IL16: variants seen among roughly 807,000 people sequenced by gnomAD.
The protein encoded by IL16 is pro-interleukin-16.
A neutral mutation model predicts 110.1 loss-of-function variants in IL16; 67 were observed. The ratio of observed to expected loss-of-function variants is 0.61; its 90% CI spans 0.50 to 0.75. The LOEUF is 0.75. Ranked by LOEUF, IL16 falls within the 30% of genes least tolerant of loss-of-function variation. The pLI is 0.00. For missense variants in IL16, 1,545 were observed against 1,655.0 expected (o/e 0.93, Z 1.15); for synonymous variants, 689 against 662.9 (o/e 1.04, Z -0.61).
chr15:81,200,617 C>T (rs936616236), intron 1 of IL16, among the ~76,000 whole-genome samples: 2 of 152,174 alleles, frequency 1.3e-5, no homozygotes, highest in Admixed American at 1.3e-4. Flanking sequence ...GTGATCTGCT[C>T]GCCTCAACCT....
At position 81,259,754 on chromosome 15, in the gene IL16, A is replaced by G. The variant is rs745678994; in HGVS notation, c.313-18A>G. Reference sequence around the variant, plus strand: ...CTATTCTAACTTGCTGAATAAAAAGACGGCAATTGTTTTGCAGGAATCTTC... The same window carrying G: ...CTATTCTAACTTGCTGAATAAAAAGGCGGCAATTGTTTTGCAGGAATCTTC... On this transcript the variant is annotated intron_variant, in intron 2 of 18. Transcript: ENST00000683961. 6.4e-7 allele frequency: 1 copy of G among 1,567,668 alleles called. No individual in the cohort carries two copies. The highest frequency in any genetic ancestry group is 8.8e-7 in the Non-Finnish European group (1 of 1,138,108).
rs774551504 is a variant in IL16, at chr15:81,292,677, C to T, written c.1542C>T (p.Ser514=). ...TCATGATCCGCTCCAGCAGTGACAGCAGCTACATGTCTGGGTCCCCAGGGG... is the reference window on the plus strand; with the variant it reads ...TCATGATCCGCTCCAGCAGTGACAGTAGCTACATGTCTGGGTCCCCAGGGG... ...QKVMIRSSSD[S]SYMSGSPGGS... The change falls in exon 12 of 19, where the codon AGC becomes AGT. Residue 514 remains serine, a synonymous_variant. Coordinates refer to ENST00000683961, the MANE Select transcript of IL16 (RefSeq NM_172217.5). 2.5e-6 allele frequency: 4 copies of T among 1,614,072 alleles called. No homozygotes were observed. The African/African-American group carries it at 5.3e-5, about 22-fold the overall frequency.
intron 12 of IL16, among the ~76,000 whole-genome samples, chr15:81,294,491 G>A (rs536377720): frequency 1.3e-5 from 2 of 152,160 alleles, no homozygotes; most frequent in African/African-American, 2.4e-5. Flanking sequence ...GAATATTCCC[G>A]AGTAAGGCGT....
chr15:81,272,269 G>A (rs1898675096), intron 5 of IL16, among the ~76,000 whole-genome samples: 1 of 152,236 alleles, frequency 6.6e-6, no homozygotes. Context: ...TTCCTTTGCT[G>A]CTTTTCAGGT....
Position 81,299,754 on chromosome 15 carries a change from C to T in IL16, c.2428C>T (p.Pro810Ser). 1 of 1,614,178 alleles carries T rather than the reference C, an allele frequency of 6.2e-7. No homozygotes were observed. Among genetic ancestry groups the T allele is most frequent in the Non-Finnish European group, 8.5e-7 (1 of 1,180,036 alleles). Reference protein sequence around the residue: ...RNRASDPRGLPDPALSTQPAP... With the variant: ...RNRASDPRGLSDPALSTQPAP... ...TCGTGCTTCAGACCCAAGAGGGCTC[C>T]CTGATCCTGCCTTGTCCACCCAGCC... The change falls in exon 14 of 19, where the codon CCT becomes TCT. Residue 810 changes from proline (P) to serine (S), a missense_variant. Pro to Ser is a moderately conservative substitution (Grantham distance 74). Around this residue, in one of 3 missense-constraint regions of IL16, gnomAD observed 1,185 missense variants for 1,238.8 expected, o/e 0.96. Transcript: ENST00000683961.
At chr15:81,198,738 G>T (rs1158009486) in intron 1 of IL16, among the ~76,000 whole-genome samples, 1 of 151,822 alleles carries the variant, frequency 6.6e-6, no homozygotes, top group African/African-American at 2.4e-5. Flanking sequence ...GAAATCTACT[G>T]GCCAGGTACA....
At chr15:81,271,510 T>G (rs1898639808) in intron 5 of IL16, among the ~76,000 whole-genome samples, 1 of 152,008 alleles carries the variant, frequency 6.6e-6, no homozygotes, top group Admixed American at 6.5e-5. Context: ...TATATAGATA[T>G]GGAGACGGGG....
chr15:81,287,284 G>A (rs950256247), intron 10 of IL16, among the ~76,000 whole-genome samples: 10 of 152,174 alleles, frequency 6.6e-5, no homozygotes, highest in Non-Finnish European at 1.2e-4. Flanking sequence ...AGCAGGCTTG[G>A]GAGGGAGAGA....
At position 81,292,754 on chromosome 15, in the gene IL16, GCA is replaced by G. The variant is rs1346807351; in HGVS notation, c.1626_1627del (p.His542GlnfsTer44). On this transcript the variant is annotated frameshift_variant, in exon 12 of 19. Coordinates refer to ENST00000683961, the MANE Select transcript of IL16 (RefSeq NM_172217.5). LOFTEE classifies it high-confidence loss of function. ...AAGCCGTCCTCTGACGTGGACATCA[GCA>G]CACACAGCCCCAGCTTGCCTCTGGC... 1 of 1,614,198 alleles carries G rather than the reference GCA, an allele frequency of 6.2e-7. No individual in the cohort carries two copies.
upstream of IL16, chr15:81,196,826 C>A (rs1895610971): frequency 3.6e-6 from 4 of 1,115,372 alleles, no homozygotes; most frequent in South Asian, 8.1e-5. Flanking sequence ...TCACGTGGAG[C>A]AGTCAGATGG....
chr15:81,291,961 C>G (rs1567040045), intron 11 of IL16: 1 of 456,066 alleles, frequency 2.2e-6, no homozygotes, highest in Non-Finnish European at 4.4e-6. Flanking sequence ...GAAGCTGACT[C>G]TGAGATGGAG....
upstream of IL16, among the ~76,000 whole-genome samples, chr15:81,193,726 G>A (rs935064916): frequency 1.3e-5 from 2 of 152,168 alleles, no homozygotes; most frequent in Admixed American, 6.5e-5. Flanking sequence ...GCTTCTGACT[G>A]CACAGCCTTG....
chr15:81,305,751 C>T, intron 16 of IL16, 157 bp from the exon 17 acceptor site: 1 of 821,992 alleles, frequency 1.2e-6, no homozygotes, highest in Non-Finnish European at 1.9e-6. Flanking sequence ...GGAATGCTGG[C>T]CTCTGTGCCA....
intron 1 of IL16, among the ~76,000 whole-genome samples, chr15:81,207,953 A>G (rs1322152927): frequency 2.0e-5 from 3 of 152,048 alleles, no homozygotes; most frequent in Non-Finnish European, 2.9e-5. Flanking sequence ...AAATCTCTGA[A>G]CTGATTTCCA....
chr15:81,308,836 T>TAA lies in IL16; in HGVS notation c.*39_*40dup. ...GAAGCCAAAGCCAATAACACACAGC[T>TAA]AACACACAGCTCCCATAACCGCTGA... On this transcript the variant is annotated 3_prime_UTR_variant, in exon 19 of 19. Coordinates refer to ENST00000683961, the MANE Select transcript of IL16 (RefSeq NM_172217.5). 6.5e-7 allele frequency: 1 copy of TAA among 1,536,560 alleles called. No individual in the cohort carries two copies. Among genetic ancestry groups the TAA allele is most frequent in the Non-Finnish European group, 8.9e-7 (1 of 1,125,340 alleles).
chr15:81,299,971 G>A lies in IL16; in HGVS notation c.2645G>A (p.Arg882Gln), dbSNP rs759932331. Reference sequence around the variant, plus strand: ...CCTCTTGGGAAGCATGAGGAAGGACGGTTTTCTGGACTCTTGGGGCGAGGG... The same window carrying A: ...CCTCTTGGGAAGCATGAGGAAGGACAGTTTTCTGGACTCTTGGGGCGAGGG... ...AKPLGKHEEGRFSGLLGRGAA... is the reference protein window; with the variant it reads ...AKPLGKHEEGQFSGLLGRGAA... The change falls in exon 14 of 19, where the codon CGG (arginine) becomes CAG (glutamine). Residue 882 changes from arginine (R) to glutamine (Q), a missense_variant. Arg to Gln is a conservative substitution (Grantham distance 43). Around this residue, in one of 3 missense-constraint regions of IL16, gnomAD observed 1,185 missense variants for 1,238.8 expected, o/e 0.96. Coordinates refer to ENST00000683961, the MANE Select transcript of IL16 (RefSeq NM_172217.5). The A allele has an allele frequency of 1.7e-5, 28 of 1,607,192 alleles. No homozygotes were observed. Among genetic ancestry groups the A allele is most frequent in the Admixed American group, 1.3e-4 (8 of 59,456 alleles).
chr15:81,209,541 TA>T lies in IL16; in HGVS notation c.-102+12391del, dbSNP rs1896158493. ...ACCTGAGCTCTCTTGTTCTTTTTTT[TA>T]AGGAGCACAGGTGATCCTTAAAGAT... is the stretch of plus-strand genomic sequence containing the variant. On this transcript the variant is annotated intron_variant, in intron 1 of 18. Transcript: ENST00000683961. Among the ~76,000 whole-genome samples the T allele has an allele frequency of 6.6e-5, 10 of 152,194 alleles. No individual in the cohort carries two copies. The South Asian group carries it at 2.1e-3, about 32-fold the overall frequency.
At chr15:81,202,001 G>A (rs12439162) in intron 1 of IL16, among the ~76,000 whole-genome samples, 1 of 152,064 alleles carries the variant, frequency 6.6e-6, no homozygotes, top group Non-Finnish European at 1.5e-5. Context: ...GGGTTACTAA[G>A]TGAACTATTA....
chr15:81,184,540 C>T (rs1421681519), intron 1 of IL16, among the ~76,000 whole-genome samples: 1 of 152,220 alleles, frequency 6.6e-6, no homozygotes, highest in East Asian at 1.9e-4. Flanking sequence ...CTGTCTTTGG[C>T]TGAAGGCAGT....
Sources: gnomAD v4.1 joint callset for allele counts (sites outside exome capture counted in the v4.1 genomes callset) on GRCh38, gnomAD v4.1.1 for gene constraint, gnomAD v4.1.1 regional missense constraint, MANE v1.5 for transcripts, NCBI Gene and HGNC (gene_info 2026-07-23, HGNC 2026-07-21) for gene names.